LRRC37A2: variants seen among roughly 807,000 people sequenced by gnomAD.
LRRC37A2 encodes the protein leucine rich repeat containing 37 member A2, also known as leucine-rich repeat-containing protein 37A2.
Under a neutral mutation model 68.8 loss-of-function variants are expected in LRRC37A2, and 9 were observed. That is an observed-to-expected ratio of 0.13 (90% CI 0.08 to 0.23). The LOEUF (loss-of-function observed/expected upper bound fraction) is 0.23, where lower values mean the gene tolerates loss of function less well. LRRC37A2 is among the 10% of genes least tolerant of loss of function. LRRC37A2 has a pLI of 1.00. For missense variants in LRRC37A2, 168 were observed against 950.4 expected (o/e 0.18, Z 10.82); for synonymous variants, 63 against 367.6 (o/e 0.17, Z 9.48).
At chr17:46,476,519 T>C in the LRRC37A2 span, among the ~76,000 whole-genome samples, 1 of 92,996 alleles carries the variant, frequency 1.1e-5, no homozygotes, top group Admixed American at 1.0e-4. Flanking sequence ...CCTTCTCTAC[T>C]AAAAATACAA....
At chr17:46,809,969 G>A in the LRRC37A2 span, among the ~76,000 whole-genome samples, 9 of 151,506 alleles carry the variant, frequency 5.9e-5, no homozygotes, top group Non-Finnish European at 8.8e-5. Flanking sequence ...TCTGAGCAGG[G>A]ACTAGCTCTT....
chr17:46,533,498 T>C (rs1197361065), intron 6 of LRRC37A2, among the ~76,000 whole-genome samples: 1 of 146,956 alleles, frequency 6.8e-6, no homozygotes, highest in Non-Finnish European at 1.5e-5. Context: ...ATCTTTTTCT[T>C]TTTTTTTTTT....
chr17:46,714,532 T>C, the LRRC37A2 span, among the ~76,000 whole-genome samples: 20 of 152,216 alleles, frequency 1.3e-4, no homozygotes, highest in Non-Finnish European at 2.6e-4. Flanking sequence ...ACATGGCCAC[T>C]TTCTACCATC....
At chr17:46,753,608 A>C in the LRRC37A2 span, among the ~76,000 whole-genome samples, 1 of 151,650 alleles carries the variant, frequency 6.6e-6, no homozygotes, top group African/African-American at 2.4e-5. Context: ...TTTCAGTATA[A>C]TTTTTTTTCA....
At chr17:46,720,838 G>A in the LRRC37A2 span, among the ~76,000 whole-genome samples, 2 of 152,172 alleles carry the variant, frequency 1.3e-5, no homozygotes, top group African/African-American at 4.8e-5. Context: ...AGGGCACTAA[G>A]GAGGTCCCAG....
chr17:46,723,375 T>C, the LRRC37A2 span, among the ~76,000 whole-genome samples: 1 of 152,210 alleles, frequency 6.6e-6, no homozygotes, highest in Non-Finnish European at 1.5e-5. Flanking sequence ...CCTGAGTTTA[T>C]AAGATACCAC....
the LRRC37A2 span, among the ~76,000 whole-genome samples, chr17:46,769,091 A>C: frequency 2.6e-5 from 4 of 152,132 alleles, no homozygotes; most frequent in East Asian, 7.7e-4. Context: ...CTGAGGCGGG[A>C]GGATCACCTG....
chr17:46,489,782 C>T, the LRRC37A2 span, among the ~76,000 whole-genome samples: 1 of 150,206 alleles, frequency 6.7e-6, no homozygotes, highest in Non-Finnish European at 1.5e-5. Flanking sequence ...GCCACTGCGC[C>T]TGGCCTGTGT....
At chr17:46,796,194 C>T in the LRRC37A2 span, among the ~76,000 whole-genome samples, 1 of 152,112 alleles carries the variant, frequency 6.6e-6, no homozygotes, top group African/African-American at 2.4e-5. Context: ...GAAAAACATC[C>T]CCCACTTCAA....
chr17:46,953,085 T>G, the LRRC37A2 span, among the ~76,000 whole-genome samples: 5 of 152,186 alleles, frequency 3.3e-5, no homozygotes, highest in African/African-American at 1.2e-4. Flanking sequence ...TTAGGGTACA[T>G]GTACACAATG....
the LRRC37A2 span, chr17:47,018,862 C>A: frequency 7.2e-6 from 11 of 1,519,652 alleles, no homozygotes; most frequent in Admixed American, 1.5e-4. Flanking sequence ...ACTCCAGAAT[C>A]CATGACAGAG....
chr17:46,914,387 G>A, the LRRC37A2 span, among the ~76,000 whole-genome samples: 1,361 of 151,938 alleles, frequency 9.0e-3, 10 homozygotes, highest in Non-Finnish European at 9.4e-3. Flanking sequence ...AGTGGCTCAC[G>A]CCTGTAATCC....
the LRRC37A2 span, among the ~76,000 whole-genome samples, chr17:46,878,541 G>A: frequency 1.3e-5 from 2 of 152,192 alleles, no homozygotes; most frequent in Non-Finnish European, 2.9e-5. Context: ...CCACACCTTG[G>A]CAGCAGGAGA....
the LRRC37A2 span, among the ~76,000 whole-genome samples, chr17:47,022,514 C>T: frequency 6.6e-6 from 1 of 151,850 alleles, no homozygotes; most frequent in Admixed American, 6.6e-5. Context: ...ACAGATATAA[C>T]AAAAACTCTC....
At chr17:46,841,023 C>T in the LRRC37A2 span, among the ~76,000 whole-genome samples, 15 of 152,242 alleles carry the variant, frequency 9.9e-5, no homozygotes, top group Admixed American at 2.6e-4. Context: ...CACCATGGAA[C>T]GCCTTTCCCG....
In LRRC37A2 at chr17:46,533,496, C is replaced by T. The variant is rs1181040963; in HGVS notation, c.2907-6680C>T. ...TATTGCATTATGTAAGTATCTTTTT[C>T]TTTTTTTTTTTTTTCTTTATTTTGG... On this transcript the variant is annotated intron_variant, in intron 6 of 14. Transcript: ENST00000576629. Among the ~76,000 whole-genome samples the T allele has an allele frequency of 5.1e-4, 72 of 141,562 alleles. 4 individuals are homozygous for T. In the East Asian group the frequency reaches 0.014, roughly 27 times the overall value. The allele number at this position is 141,562 out of a possible 152,430, so 92.9% of individuals were successfully genotyped here.
the LRRC37A2 span, among the ~76,000 whole-genome samples, chr17:46,493,410 C>T: frequency 7.5e-6 from 1 of 133,144 alleles, no homozygotes; most frequent in African/African-American, 3.0e-5. Flanking sequence ...GATCTGCCTG[C>T]CTCGGCCTCC....
At chr17:46,864,060 C>T in the LRRC37A2 span, among the ~76,000 whole-genome samples, 2 of 152,214 alleles carry the variant, frequency 1.3e-5, no homozygotes, top group Non-Finnish European at 2.9e-5. Context: ...GGGTCACGCA[C>T]AAGGCATTCC....
chr17:46,895,690 G>A, the LRRC37A2 span, among the ~76,000 whole-genome samples: 1 of 152,228 alleles, frequency 6.6e-6, no homozygotes, highest in Non-Finnish European at 1.5e-5. Context: ...AGTCCTCACA[G>A]CAACGTTGCA....
Sources: gnomAD v4.1 joint callset for allele counts (sites outside exome capture counted in the v4.1 genomes callset) on GRCh38, gnomAD v4.1.1 for gene constraint, MANE v1.5 for transcripts, NCBI Gene and HGNC (gene_info 2026-07-23, HGNC 2026-07-21) for gene names.